Variants in GRM7 observed in about 807,000 individuals in gnomAD.
GRM7 encodes the protein metabotropic glutamate receptor 7.
Under a neutral mutation model 84.5 loss-of-function variants are expected in GRM7, and 35 were observed. That is an observed-to-expected ratio of 0.41 (90% CI 0.32 to 0.55). The LOEUF (loss-of-function observed/expected upper bound fraction) is 0.55, where lower values mean the gene tolerates loss of function less well. GRM7 is among the 20% of genes least tolerant of loss of function. The pLI, the probability that GRM7 is intolerant of heterozygous loss-of-function variation, is 0.19. For synonymous variants in GRM7, 487 were observed against 455.1 expected (o/e 1.07, Z -0.89); for missense variants, 1,003 against 1,194.6 (o/e 0.84, Z 2.36).
At chr3:6,946,645 T>A (rs886820821) in intron 1 of GRM7, among the ~76,000 whole-genome samples, 1 of 152,190 alleles carries the variant, frequency 6.6e-6, no homozygotes, top group Non-Finnish European at 1.5e-5. Flanking sequence ...ATAAATTACC[T>A]TGGGCAGTAT....
intron 1 of GRM7, among the ~76,000 whole-genome samples, chr3:7,093,842 T>C (rs1232684210): frequency 6.6e-6 from 1 of 152,158 alleles, no homozygotes; most frequent in African/African-American, 2.4e-5. Context: ...CTTTTATAGA[T>C]GTTGTCACCA....
intron 2 of GRM7, among the ~76,000 whole-genome samples, chr3:7,217,730 A>G (rs1346233455): frequency 6.7e-6 from 1 of 149,532 alleles, no homozygotes; most frequent in Non-Finnish European, 1.5e-5. Flanking sequence ...TAATTATAAT[A>G]TAAAATTATT....
intron 1 of GRM7, among the ~76,000 whole-genome samples, chr3:7,007,083 G>A (rs186598376): frequency 2.2e-4 from 33 of 152,192 alleles, no homozygotes; most frequent in East Asian, 1.7e-3. Flanking sequence ...TTTCTCCTTC[G>A]GTCTCCAGCT....
chr3:7,582,082 C>A (rs990725201), intron 8 of GRM7, among the ~76,000 whole-genome samples: 1 of 152,174 alleles, frequency 6.6e-6, no homozygotes, highest in Non-Finnish European at 1.5e-5. Flanking sequence ...CAAGAACACA[C>A]TAAAACTGGT....
intron 1 of GRM7, among the ~76,000 whole-genome samples, chr3:7,002,897 T>C (rs1695064658): frequency 1.3e-5 from 2 of 152,148 alleles, no homozygotes; most frequent in South Asian, 2.1e-4. Context: ...AATGGAATAC[T>C]ATACAGCCTT....
At chr3:7,088,718 C>T (rs922468030) in intron 1 of GRM7, among the ~76,000 whole-genome samples, 1 of 90,720 alleles carries the variant, frequency 1.1e-5, no homozygotes, top group South Asian at 3.4e-4. Context: ...ACCAGTGGTG[C>T]GAGTTGGAAC....
At chr3:7,327,666 C>T (rs1701040232) in intron 4 of GRM7, among the ~76,000 whole-genome samples, 1 of 152,188 alleles carries the variant, frequency 6.6e-6, no homozygotes, top group Non-Finnish European at 1.5e-5. Flanking sequence ...ACTTGATTTT[C>T]ACACCAACTT....
chr3:6,921,996 G>C (rs1373175369), intron 1 of GRM7, among the ~76,000 whole-genome samples: 5 of 152,176 alleles, frequency 3.3e-5, no homozygotes, highest in African/African-American at 1.2e-4. Flanking sequence ...GGTCAATAAA[G>C]ATCACAATTC....
chr3:7,571,282 C>T (rs773647682), intron 7 of GRM7, among the ~76,000 whole-genome samples: 5 of 152,134 alleles, frequency 3.3e-5, no homozygotes, highest in South Asian at 2.1e-4. Context: ...TTTTTTATTG[C>T]ATTGCCAGGC....
intron 1 of GRM7, among the ~76,000 whole-genome samples, chr3:7,002,791 T>C (rs964419486): frequency 6.6e-6 from 1 of 152,196 alleles, no homozygotes; most frequent in Non-Finnish European, 1.5e-5. Context: ...TCCACTCCCA[T>C]GTTCATTTAA....
At chr3:7,020,877 A>G (rs184746167) in intron 1 of GRM7, among the ~76,000 whole-genome samples, 1 of 152,320 alleles carries the variant, frequency 6.6e-6, no homozygotes, top group Admixed American at 6.5e-5. Flanking sequence ...GAATGTAGTT[A>G]TAATTGAGCT....
chr3:7,732,635 C>A (rs1175490613), intron 9 of GRM7, among the ~76,000 whole-genome samples: 1 of 152,150 alleles, frequency 6.6e-6, no homozygotes, highest in East Asian at 1.9e-4. Context: ...AGTACGACTG[C>A]TTTAGCATTA....
chr3:7,707,085 C>CT (rs1263846088), intron 9 of GRM7, among the ~76,000 whole-genome samples: 2 of 152,102 alleles, frequency 1.3e-5, no homozygotes, highest in African/African-American at 4.8e-5. Flanking sequence ...AAATATGCTA[C>CT]TTTTCTCATA....
chr3:7,601,571 A>G (rs1283505928), intron 8 of GRM7, among the ~76,000 whole-genome samples: 1 of 152,100 alleles, frequency 6.6e-6, no homozygotes, highest in African/African-American at 2.4e-5. Flanking sequence ...GATGCAGCAA[A>G]TCTTGTATCT....
intron 7 of GRM7, among the ~76,000 whole-genome samples, chr3:7,556,047 G>T (rs1440437970): frequency 6.6e-6 from 1 of 152,110 alleles, no homozygotes; most frequent in African/African-American, 2.4e-5. Flanking sequence ...AAACTGAGTG[G>T]CTTATAAACA....
intron 7 of GRM7, among the ~76,000 whole-genome samples, chr3:7,526,208 T>C (rs1700800984): frequency 6.6e-6 from 1 of 151,746 alleles, no homozygotes; most frequent in South Asian, 2.1e-4. Context: ...CATCTGTTAT[T>C]TTTTGACCTT....
intron 4 of GRM7, among the ~76,000 whole-genome samples, chr3:7,379,970 T>G (rs1042246702): frequency 6.6e-6 from 1 of 152,200 alleles, no homozygotes. Context: ...CTACCTTTAT[T>G]TTCCTCTGAC....
intron 1 of GRM7, among the ~76,000 whole-genome samples, chr3:7,038,306 C>A (rs1434519476): frequency 6.6e-6 from 1 of 152,200 alleles, no homozygotes; most frequent in Non-Finnish European, 1.5e-5. Context: ...TAATACATAG[C>A]CTTATTGACC....
chr3:7,275,965 A>G (rs1699036823), intron 2 of GRM7, among the ~76,000 whole-genome samples: 1 of 152,058 alleles, frequency 6.6e-6, no homozygotes, highest in Non-Finnish European at 1.5e-5. Flanking sequence ...TTCCCTCAGA[A>G]GGTTTAGCTC....
Sources: allele counts gnomAD v4.1 joint callset (sites outside exome capture counted in the v4.1 genomes callset), GRCh38; gene constraint gnomAD v4.1.1; transcripts MANE v1.5; gene names NCBI Gene and HGNC (gene_info 2026-07-23, HGNC 2026-07-21).